Variants in SSBP3 observed in about 807,000 individuals in gnomAD.
The protein encoded by SSBP3 is single stranded DNA binding protein 3, also known as single-stranded DNA-binding protein 3.
SSBP3 carries 5 observed loss-of-function variants against 69.6 expected under a neutral mutation model. The ratio of observed to expected loss-of-function variants is 0.07; its 90% CI spans 0.04 to 0.15. The LOEUF is 0.15. Among genes scored for constraint, SSBP3 ranks in the 10% least tolerant of loss-of-function variants. The pLI is 1.00. For missense variants in SSBP3, 312 were observed against 534.0 expected (o/e 0.58, Z 4.10); for synonymous variants, 196 against 193.4 (o/e 1.01, Z -0.11).
intron 4 of SSBP3, among the ~76,000 whole-genome samples, chr1:54,390,062 G>A (rs770465028): frequency 1.3e-5 from 2 of 152,020 alleles, no homozygotes; most frequent in African/African-American, 4.8e-5. Context: ...ACAGTGCCTG[G>A]CATACGGTTA....
At chr1:54,274,093 C>G (rs1331166633) in intron 5 of SSBP3, among the ~76,000 whole-genome samples, 1 of 152,190 alleles carries the variant, frequency 6.6e-6, no homozygotes, top group Non-Finnish European at 1.5e-5. Flanking sequence ...TCCTCTTCCC[C>G]AGTAGGAGGC....
chr1:54,412,155 A>T (rs977033995), intron 1 of SSBP3, among the ~76,000 whole-genome samples: 5 of 151,870 alleles, frequency 3.3e-5, no homozygotes, highest in Non-Finnish European at 5.9e-5. Flanking sequence ...CTCCCAAAGG[A>T]ACCTCTTTAG....
At chr1:54,399,178 G>T (rs374634869) in intron 4 of SSBP3, among the ~76,000 whole-genome samples, 4 of 152,208 alleles carry the variant, frequency 2.6e-5, no homozygotes, top group East Asian at 3.8e-4. Context: ...AATAGTTCAC[G>T]GTCTCCACCA....
intron 14 of SSBP3, among the ~76,000 whole-genome samples, chr1:54,233,110 G>A (rs1321442390): frequency 6.6e-6 from 1 of 151,238 alleles, no homozygotes. Flanking sequence ...TCTCCGCCCG[G>A]CCGCCATCCC....
At chr1:54,294,128 G>A (rs1191362039) in intron 4 of SSBP3, among the ~76,000 whole-genome samples, 1 of 115,804 alleles carries the variant, frequency 8.6e-6, no homozygotes, top group Admixed American at 1.1e-4. Flanking sequence ...GGGTGACAGA[G>A]TGAGACTCCA....
intron 4 of SSBP3, among the ~76,000 whole-genome samples, chr1:54,367,555 C>T (rs543593875): frequency 2.6e-5 from 4 of 152,304 alleles, no homozygotes; most frequent in East Asian, 3.9e-4. Context: ...GGAGAAAGGA[C>T]GAGGGGCAGA....
chr1:54,229,151 G>T (rs1644339157), intron 14 of SSBP3, among the ~76,000 whole-genome samples: 2 of 152,238 alleles, frequency 1.3e-5, no homozygotes, highest in Admixed American at 1.3e-4. Context: ...CCCGTGTGGA[G>T]AGTGTGGTTC....
intron 4 of SSBP3, among the ~76,000 whole-genome samples, chr1:54,382,280 G>A (rs909091427): frequency 1.3e-5 from 2 of 152,146 alleles, no homozygotes; most frequent in Non-Finnish European, 2.9e-5. Flanking sequence ...TCACTATGTT[G>A]CCCAGGCTGG....
chr1:54,333,755 C>G (rs969119079), intron 4 of SSBP3, among the ~76,000 whole-genome samples: 2 of 152,210 alleles, frequency 1.3e-5, no homozygotes, highest in Non-Finnish European at 2.9e-5. Flanking sequence ...GCCTGGTACA[C>G]AGTGAGGGCC....
At chr1:54,252,063 C>A (rs1054151796) in intron 7 of SSBP3, among the ~76,000 whole-genome samples, 1 of 152,096 alleles carries the variant, frequency 6.6e-6, no homozygotes, top group Non-Finnish European at 1.5e-5. Context: ...ATAACTGTGG[C>A]GTTGTTTTGG....
At chr1:54,342,696 G>GAA (rs1646629773) in intron 4 of SSBP3, among the ~76,000 whole-genome samples, 1 of 152,214 alleles carries the variant, frequency 6.6e-6, no homozygotes, top group African/African-American at 2.4e-5. Flanking sequence ...CCTTGGACAA[G>GAA]AAAGAAGCTA....
chr1:54,411,276 G>A (rs1028895511), upstream of SSBP3, among the ~76,000 whole-genome samples: 6 of 152,024 alleles, frequency 3.9e-5, no homozygotes, highest in Admixed American at 6.5e-5. Context: ...TCAAGAGTTC[G>A]AGACCAGCCC....
At chr1:54,251,688 G>T (rs1175254097) in exon 9 of SSBP3, 1 of 1,558,332 alleles carries the variant, frequency 6.4e-7, no homozygotes, top group Admixed American at 1.9e-5. Flanking sequence ...CCATGTTGGG[G>T]TGGCCTGCGT....
intron 3 of SSBP3, among the ~76,000 whole-genome samples, chr1:54,402,171 C>T (rs572700884): frequency 1.3e-5 from 2 of 152,322 alleles, no homozygotes; most frequent in East Asian, 1.9e-4. Context: ...CAAATACCTA[C>T]TACATGCCGG....
intron 5 of SSBP3, among the ~76,000 whole-genome samples, chr1:54,264,932 G>A (rs994723637): frequency 6.6e-6 from 1 of 152,240 alleles, no homozygotes; most frequent in South Asian, 2.1e-4. Context: ...GAGGACCTGC[G>A]GTACTGGCGG....
intron 4 of SSBP3, among the ~76,000 whole-genome samples, chr1:54,284,633 A>T (rs955504847): frequency 1.3e-5 from 2 of 151,402 alleles, no homozygotes; most frequent in African/African-American, 4.9e-5. Flanking sequence ...ATACCCAGCT[A>T]ATTTTTAAAA....
intron 4 of SSBP3, among the ~76,000 whole-genome samples, chr1:54,369,373 G>C (rs1037944772): frequency 2.0e-5 from 3 of 152,060 alleles, no homozygotes; most frequent in Non-Finnish European, 4.4e-5. Context: ...GGTGACCATT[G>C]CTGGGGGAGA....
intron 1 of SSBP3, chr1:54,405,310 G>T: frequency 7.1e-6 from 2 of 280,256 alleles, no homozygotes; most frequent in Non-Finnish European, 1.4e-5. Flanking sequence ...CTCGGCCCTG[G>T]ACTCCGGGTG....
At chr1:54,351,577 A>G (rs1207137369) in intron 4 of SSBP3, among the ~76,000 whole-genome samples, 1 of 152,238 alleles carries the variant, frequency 6.6e-6, no homozygotes, top group Non-Finnish European at 1.5e-5. Flanking sequence ...ACAGATCTCA[A>G]GAGTAATGTT....
Sources: allele counts gnomAD v4.1 joint callset (sites outside exome capture counted in the v4.1 genomes callset), GRCh38; gene constraint gnomAD v4.1.1; transcripts MANE v1.5; gene names NCBI Gene and HGNC (gene_info 2026-07-23, HGNC 2026-07-21).